Variants in CILK1 observed in about 807,000 individuals in gnomAD.
The protein encoded by CILK1 is ciliogenesis associated kinase 1, also known as serine/threonine-protein kinase ICK.
Under a neutral mutation model 79.2 loss-of-function variants are expected in CILK1, and 47 were observed. The ratio of observed to expected loss-of-function variants is 0.59; its 90% CI spans 0.47 to 0.76. CILK1 has a LOEUF of 0.76. Among genes scored for constraint, CILK1 ranks in the 30% least tolerant of loss-of-function variants. The pLI is 0.00. For synonymous variants in CILK1, 266 were observed against 275.9 expected, an observed-to-expected ratio of 0.96 and a Z score of 0.36; for missense variants, 660 against 769.5, an observed-to-expected ratio of 0.86 and a Z score of 1.68.
intron 1 of CILK1, among the ~76,000 whole-genome samples, chr6:53,059,736 A>AT (rs1329269858): frequency 1.3e-5 from 2 of 152,240 alleles, no homozygotes; most frequent in East Asian, 3.8e-4. Context: ...CAGGCATATT[A>AT]TTTTAGACTT....
At chr6:53,040,280 C>T (rs1189844181) in intron 2 of CILK1, among the ~76,000 whole-genome samples, 3 of 152,238 alleles carry the variant, frequency 2.0e-5, no homozygotes, top group Non-Finnish European at 4.4e-5. Context: ...AAGGATGTCA[C>T]TTCTGTGATT....
chr6:53,019,500 C>A, intron 5 of CILK1, 141 bp from the exon 6 acceptor site: 1 of 841,050 alleles, frequency 1.2e-6, no homozygotes, highest in Non-Finnish European at 1.9e-6. Flanking sequence ...ATTCATCCCA[C>A]AGATAATGTA....
chr6:53,012,855 G>A (rs1764658148), intron 9 of CILK1, among the ~76,000 whole-genome samples: 1 of 152,176 alleles, frequency 6.6e-6, no homozygotes, highest in Non-Finnish European at 1.5e-5. Flanking sequence ...TAGACAGTTG[G>A]CCTCTTCAGA....
At chr6:53,033,970 C>G (rs987340496) in intron 3 of CILK1, among the ~76,000 whole-genome samples, 5 of 152,310 alleles carry the variant, frequency 3.3e-5, no homozygotes, top group African/African-American at 1.2e-4. Flanking sequence ...CTAGATCCTT[C>G]TAGTATGGAC....
chr6:53,057,895 A>C lies in CILK1; in HGVS notation c.-173+3701T>G, dbSNP rs540919141. The stretch of plus-strand genomic sequence containing the variant: ...GTTCCCCACGTGCTCCTTGGTAAAA[A>C]GCATATGAATATTTTGCTAATCCTG... On this transcript the variant is annotated intron_variant, in intron 1 of 13. Transcript: ENST00000676107. 2.6e-5 allele frequency: 4 copies of C among 152,328 alleles called. No individual in the cohort carries two copies. The South Asian group carries it at 8.3e-4, about 32-fold the overall frequency. 9.4% of individuals were successfully genotyped at this position (152,328 alleles called of 1,614,324 possible).
Position 53,004,193 on chromosome 6 carries a change from T to C in CILK1, c.*956A>G, listed in dbSNP as rs1764086524. The stretch of plus-strand genomic sequence containing the variant: ...GTCATTGACTGCTCCTAGCCAGATC[T>C]GGAGAACTGAGCTAGGCACAAAATT... On this transcript the variant is annotated 3_prime_UTR_variant, in exon 14 of 14. Transcript: ENST00000676107. The C allele has an allele frequency of 6.5e-6, 1 of 152,736 alleles. No individual in the cohort carries two copies. Among genetic ancestry groups the C allele is most frequent in the African/African-American group, 2.4e-5 (1 of 41,574 alleles). 9.5% of individuals were successfully genotyped at this position (152,736 alleles called of 1,614,324 possible).
At chr6:53,014,730 C>G (rs866106265) in intron 8 of CILK1, among the ~76,000 whole-genome samples, 1 of 152,148 alleles carries the variant, frequency 6.6e-6, no homozygotes, top group Admixed American at 6.5e-5. Flanking sequence ...TGGTAGAGGT[C>G]CCAGACTCTA....
intron 2 of CILK1, among the ~76,000 whole-genome samples, chr6:53,038,343 T>C (rs1177544273): frequency 6.6e-6 from 1 of 152,262 alleles, no homozygotes; most frequent in Non-Finnish European, 1.5e-5. Flanking sequence ...GAAACTGCTC[T>C]GTGCTGTCCA....
rs116923314 is a variant in CILK1 at position 53,041,577 on chromosome 6, T to C, written c.-172-169A>G. On this transcript the variant is annotated intron_variant, in intron 1 of 13. Transcript: ENST00000676107. ...AATAGTTGTGTGACGCTGTAGAGCC[T>C]GCAAAGCCCAAAGTACAGCAGGTTT... 4.6e-4 allele frequency among the ~76,000 whole-genome samples: 70 copies of C among 152,382 alleles called. 2 individuals are homozygous for C. In the East Asian group the frequency reaches 0.012, roughly 27 times the overall value.
chr6:53,043,421 T>A (rs1354560738), intron 1 of CILK1, among the ~76,000 whole-genome samples: 1 of 151,992 alleles, frequency 6.6e-6, no homozygotes, highest in African/African-American at 2.4e-5. Context: ...CATATAAAAC[T>A]CCTGCCTGAT....
intron 1 of CILK1, among the ~76,000 whole-genome samples, chr6:53,059,123 C>G (rs1768194129): frequency 6.6e-6 from 1 of 152,150 alleles, no homozygotes; most frequent in South Asian, 2.1e-4. Flanking sequence ...GAATTGGACT[C>G]TGTTAAGTTA....
chr6:53,040,437 A>G (rs1051325064), intron 2 of CILK1, among the ~76,000 whole-genome samples: 3 of 152,234 alleles, frequency 2.0e-5, no homozygotes, highest in African/African-American at 7.2e-5. Flanking sequence ...GCCTCCCACC[A>G]ACAGCCGGCA....
chr6:53,048,857 G>A (rs890237372), intron 1 of CILK1, among the ~76,000 whole-genome samples: 1 of 152,228 alleles, frequency 6.6e-6, no homozygotes, highest in East Asian at 1.9e-4. Context: ...CTGTTTAGGA[G>A]TGGTGCCATG....
At chr6:53,059,887 C>A (rs1481866811) in intron 1 of CILK1, among the ~76,000 whole-genome samples, 2 of 152,110 alleles carry the variant, frequency 1.3e-5, no homozygotes, top group Admixed American at 1.3e-4. Context: ...CATTCAGCAA[C>A]CATTTAATGA....
chr6:53,053,962 C>T (rs1767663359), intron 1 of CILK1, among the ~76,000 whole-genome samples: 1 of 151,866 alleles, frequency 6.6e-6, no homozygotes, highest in South Asian at 2.1e-4. Flanking sequence ...GATTCTGTGA[C>T]TCTGTATCAG....
intron 5 of CILK1, among the ~76,000 whole-genome samples, chr6:53,030,000 G>C (rs1300576256): frequency 2.0e-5 from 3 of 152,162 alleles, no homozygotes; most frequent in East Asian, 3.9e-4. Flanking sequence ...TCCAACCCCA[G>C]CTGGGTCTGT....
rs1436169201 is a variant in CILK1 at position 53,016,185 on chromosome 6, G to A, written c.729C>T (p.Pro243=). Residue 243 remains proline, a synonymous_variant, in exon 8 of 14, where the codon CCC becomes CCT. Transcript: ENST00000676107. ...TGGGAATCAAGGTCTTTAAGTTATT[G>A]GGTACACACTGTGGCCAACGGAAGT... ...AMNFRWPQCV[P]NNLKTLIPNA... 2 of 1,614,040 alleles carry A rather than the reference G, an allele frequency of 1.2e-6. No individual in the cohort carries two copies. Among genetic ancestry groups the A allele is most frequent in the South Asian group, 2.2e-5 (2 of 91,082 alleles).
intron 5 of CILK1, among the ~76,000 whole-genome samples, chr6:53,028,244 A>ATT (rs1427329886): frequency 6.6e-6 from 1 of 151,944 alleles, no homozygotes; most frequent in African/African-American, 2.4e-5. Context: ...AGAACCTGGG[A>ATT]GGCAGAGGTT....
intron 5 of CILK1, among the ~76,000 whole-genome samples, chr6:53,022,070 T>C (rs1373674454): frequency 6.6e-5 from 10 of 152,054 alleles, no homozygotes; most frequent in Admixed American, 5.9e-4. Flanking sequence ...GCTTATAGAA[T>C]AGGGATATAA....
Sources: allele counts gnomAD v4.1 joint callset (sites outside exome capture counted in the v4.1 genomes callset), GRCh38; gene constraint gnomAD v4.1.1; transcripts MANE v1.5; gene names NCBI Gene and HGNC (gene_info 2026-07-23, HGNC 2026-07-21).